The following RBM33 variants were observed in gnomAD, a reference collection of about 807,000 sequenced individuals.
RBM33 encodes the protein RNA-binding protein 33.
RBM33 carries 28 observed loss-of-function variants against 132.6 expected under a neutral mutation model. That is an observed-to-expected ratio of 0.21 (90% CI 0.16 to 0.29). The LOEUF is 0.29. RBM33 is among the 10% of genes least tolerant of loss of function. RBM33 has a pLI of 1.00. For synonymous variants in RBM33, 634 were observed against 593.0 expected (o/e 1.07, Z -1.01); for missense variants, 1,291 against 1,518.5 (o/e 0.85, Z 2.49).
intron 6 of RBM33, among the ~76,000 whole-genome samples, chr7:155,703,552 TTGGTGCTTGGAAA>T (rs1800027568): frequency 6.6e-6 from 1 of 152,234 alleles, no homozygotes; most frequent in Non-Finnish European, 1.5e-5. Context: ...TTAAGAAAGC[TTGGTGCTTGGAAA>T]CATGAGTTTC....
chr7:155,662,040 T>A (rs1798665638), intron 1 of RBM33, among the ~76,000 whole-genome samples: 1 of 152,148 alleles, frequency 6.6e-6, no homozygotes, highest in African/African-American at 2.4e-5. Flanking sequence ...GCTTCTTCAC[T>A]CCTTTGTTGA....
chr7:155,776,235 T>C lies in RBM33; in HGVS notation c.*1194T>C, dbSNP rs1429155215. 6.6e-6 allele frequency: 1 copy of C among 152,670 alleles called. No individual in the cohort carries two copies. Among genetic ancestry groups the C allele is most frequent in the Non-Finnish European group, 1.5e-5 (1 of 68,044 alleles). The allele number at this position is 152,670 out of a possible 1,614,324, so 9.5% of individuals were successfully genotyped here. ...TTCTGCTCATGAAAGAGTTTCACTA[T>C]TTTGGATATATTCTAAAGTGGACCT... is the stretch of plus-strand genomic sequence containing the variant. On this transcript the variant is annotated 3_prime_UTR_variant, in exon 18 of 18. Transcript: ENST00000401878. This position sits in a 1 kb window ranked among gnomAD's most constrained non-coding sequence, Gnocchi z 4.0.
At chr7:155,701,133 G>C in intron 6 of RBM33, 189 bp downstream of exon 6, 1 of 595,808 alleles carries the variant, frequency 1.7e-6, no homozygotes. Flanking sequence ...AATCATTGCT[G>C]TTTATGGATT....
intron 14 of RBM33, among the ~76,000 whole-genome samples, chr7:155,760,299 A>C (rs1452205302): frequency 6.6e-6 from 1 of 152,216 alleles, no homozygotes; most frequent in African/African-American, 2.4e-5. Flanking sequence ...TAGATTGCTT[A>C]AGTTCATACG....
At chr7:155,700,994 C>A in intron 6 of RBM33, 50 bp downstream of exon 6, 2 of 1,443,510 alleles carry the variant, frequency 1.4e-6, no homozygotes, top group Non-Finnish European at 1.9e-6. Flanking sequence ...TTTCAACTTC[C>A]TCCATAGTAT....
chr7:155,716,174 A>C (rs1056580505), intron 8 of RBM33, among the ~76,000 whole-genome samples: 1 of 152,238 alleles, frequency 6.6e-6, no homozygotes, highest in African/African-American at 2.4e-5. Context: ...AGGGCCTGGC[A>C]GGGAGAGCCC....
chr7:155,767,792 G>A (rs376009058), intron 16 of RBM33, among the ~76,000 whole-genome samples: 3 of 152,184 alleles, frequency 2.0e-5, no homozygotes, highest in African/African-American at 4.8e-5. Flanking sequence ...TATTAGAAGC[G>A]TACAGTGTAT....
chr7:155,737,769 A>T (rs557800945), intron 10 of RBM33, 107 bp downstream of exon 10: 1 of 1,258,314 alleles, frequency 7.9e-7, no homozygotes, highest in East Asian at 2.6e-5. Flanking sequence ...TGGAGATGTT[A>T]GGAATGCCAG....
intron 16 of RBM33, among the ~76,000 whole-genome samples, chr7:155,772,574 G>A (rs1416804672): frequency 1.3e-5 from 2 of 152,208 alleles, no homozygotes; most frequent in Non-Finnish European, 2.9e-5. Context: ...AGGAGACCAC[G>A]TTGTGGGGCT....
intron 2 of RBM33, among the ~76,000 whole-genome samples, chr7:155,668,403 C>T (rs1798857454): frequency 6.6e-6 from 1 of 152,162 alleles, no homozygotes; most frequent in Non-Finnish European, 1.5e-5. Context: ...TTGCTGATTG[C>T]ACTCCCTGAG....
chr7:155,762,964 A>G (rs1295937258), intron 14 of RBM33, among the ~76,000 whole-genome samples: 1 of 152,174 alleles, frequency 6.6e-6, no homozygotes, highest in Non-Finnish European at 1.5e-5. Context: ...TTTGGGAAAA[A>G]GACTACTCAG....
intron 13 of RBM33, among the ~76,000 whole-genome samples, chr7:155,744,265 T>A (rs1019258649): frequency 5.3e-5 from 8 of 152,258 alleles, no homozygotes; most frequent in Non-Finnish European, 1.0e-4. Flanking sequence ...CTTAACTTTT[T>A]ATACATTTTC....
At chr7:155,672,744 CAAAAAAAAAAAA>C (rs559042068) in intron 2 of RBM33, 111 bp from the exon 3 acceptor site, 2 of 349,998 alleles carry the variant, frequency 5.7e-6, no homozygotes, top group Admixed American at 5.5e-5. Context: ...GGCTTTGTCT[CAAAAAAAAAAAA>C]AAAAAAAAAG....
At chr7:155,735,719 GTCTCTCTC>G (rs879575856) in intron 9 of RBM33, among the ~76,000 whole-genome samples, 1 of 77,380 alleles carries the variant, frequency 1.3e-5, no homozygotes, top group Non-Finnish European at 2.8e-5. Flanking sequence ...CTCTCTCTCT[GTCTCTCTC>G]TCTCTCTCTC....
chr7:155,731,253 T>C (rs905733674), intron 9 of RBM33, among the ~76,000 whole-genome samples: 2 of 152,342 alleles, frequency 1.3e-5, no homozygotes, highest in Admixed American at 6.5e-5. Context: ...TAAAGAGTCC[T>C]GCTGCAGCAG....
At chr7:155,698,370 GA>G (rs11336870) in intron 5 of RBM33, among the ~76,000 whole-genome samples, 118,660 of 150,734 alleles carry the variant, frequency 0.79, 47,240 homozygotes, top group African/African-American at 0.91. Context: ...CCATCTCAGG[GA>G]AAAAAAAAAA....
intron 3 of RBM33, among the ~76,000 whole-genome samples, chr7:155,673,940 G>GTTGTTGTTTTTTTTTTGTTTTT: frequency 3.7e-4 from 20 of 54,188 alleles, no homozygotes; most frequent in African/African-American, 1.6e-3. Context: ...TTTAGGCTTA[G>GTTGTTGTTTTTTTTTTGTTTTT]TTTTTTTTTT....
At chr7:155,725,566 T>A (rs1179697117) in intron 9 of RBM33, among the ~76,000 whole-genome samples, 2 of 152,286 alleles carry the variant, frequency 1.3e-5, no homozygotes, top group South Asian at 2.1e-4. Flanking sequence ...CCTCATTAAG[T>A]ACTAAAGTGA....
chr7:155,737,531 G>A lies in RBM33; in HGVS notation c.1262G>A (p.Gly421Asp), dbSNP rs1372705720. The change falls in exon 10 of 18, where the codon GGC (glycine) becomes GAC (aspartate). Residue 421 changes from glycine to aspartate, a missense_variant and splice_region_variant. Gly to Asp is a moderately conservative substitution (Grantham distance 94). Around this residue, in one of 7 missense-constraint regions of RBM33, gnomAD observed 841 missense variants for 912.0 expected, o/e 0.92. Transcript: ENST00000401878. ...RPAVGPQRFP[G>D]PPEFPQHTPG... Reference sequence around the variant, plus strand: ...TCTGTTGTTGTTGTTGTTCTTTAGGGCCCTCCAGAATTTCCACAGCATACA... The same window carrying A: ...TCTGTTGTTGTTGTTGTTCTTTAGGACCCTCCAGAATTTCCACAGCATACA... 10 of 1,593,404 alleles carry A rather than the reference G, an allele frequency of 6.3e-6. No individual in the cohort carries two copies. The highest frequency in any genetic ancestry group is 8.5e-6 in the Non-Finnish European group (10 of 1,173,446).
Sources: allele counts gnomAD v4.1 joint callset (sites outside exome capture counted in the v4.1 genomes callset), GRCh38; gene constraint gnomAD v4.1.1; regional missense constraint gnomAD v4.1.1; non-coding constraint Gnocchi (gnomAD v3.1); transcripts MANE v1.5; gene names NCBI Gene and HGNC (gene_info 2026-07-23, HGNC 2026-07-21).